TRPM1: variants seen among roughly 807,000 people sequenced by gnomAD.
TRPM1 encodes the protein TRPM1-203 APA Isoform, Intron 10.
Under a neutral mutation model 149.4 loss-of-function variants are expected in TRPM1, and 113 were observed. The ratio of observed to expected loss-of-function variants is 0.76; its 90% confidence interval spans 0.65 to 0.88. The LOEUF is 0.88. Ranked by LOEUF, TRPM1 falls within the 40% of genes least tolerant of loss-of-function variation. The probability of loss-of-function intolerance (pLI) is 0.00; values close to 1 mark genes in which losing one functional copy is unlikely to be tolerated. For missense variants in TRPM1, 1,976 were observed against 2,038.7 expected, an observed-to-expected ratio of 0.97 and a Z score of 0.59; for synonymous variants, 741 against 759.5, an observed-to-expected ratio of 0.98 and a Z score of 0.40.
chr15:31,102,525 T>A (rs1048070148), upstream of TRPM1, among the ~76,000 whole-genome samples: 5 of 152,202 alleles, frequency 3.3e-5, no homozygotes, highest in Non-Finnish European at 5.9e-5. Context: ...GTTCCCATTT[T>A]ACAGATGAGG....
intron 1 of TRPM1, among the ~76,000 whole-genome samples, chr15:31,107,550 T>G (rs934027938): frequency 1.3e-5 from 2 of 152,104 alleles, no homozygotes; most frequent in Non-Finnish European, 2.9e-5. Context: ...TTTTCTACGC[T>G]TTATTTTATT....
At chr15:31,118,646 A>G (rs1047179666) in intron 1 of TRPM1, among the ~76,000 whole-genome samples, 2 of 152,046 alleles carry the variant, frequency 1.3e-5, no homozygotes, top group African/African-American at 4.8e-5. Flanking sequence ...TTGGGTTAGA[A>G]CTCTCTTCTG....
intron 1 of TRPM1, among the ~76,000 whole-genome samples, chr15:31,113,825 G>A (rs1289644398): frequency 6.6e-6 from 1 of 152,154 alleles, no homozygotes; most frequent in Non-Finnish European, 1.5e-5. Flanking sequence ...GATTTATTGT[G>A]AAGATGTGAA....
intron 27 of TRPM1, among the ~76,000 whole-genome samples, chr15:31,011,164 T>C (rs1301835942): frequency 1.3e-5 from 2 of 152,180 alleles, no homozygotes; most frequent in African/African-American, 2.4e-5. Flanking sequence ...ACTTTAAAAA[T>C]CTTTGAATCT....
At chr15:31,091,717 G>A (rs2035246091) in intron 1 of TRPM1, among the ~76,000 whole-genome samples, 1 of 152,172 alleles carries the variant, frequency 6.6e-6, no homozygotes, top group Admixed American at 6.5e-5. Context: ...GACCCAGTGT[G>A]GTCTGTGGTG....
At chr15:31,129,457 C>T (rs1026925445) in intron 1 of TRPM1, among the ~76,000 whole-genome samples, 2 of 152,194 alleles carry the variant, frequency 1.3e-5, no homozygotes, top group East Asian at 1.9e-4. Flanking sequence ...CCACTCAGCT[C>T]TCTGCTGCCC....
At chr15:31,115,417 A>C (rs2035785829) in intron 1 of TRPM1, among the ~76,000 whole-genome samples, 1 of 152,204 alleles carries the variant, frequency 6.6e-6, no homozygotes, top group Non-Finnish European at 1.5e-5. Context: ...AGTTGAGGTC[A>C]CAGGGGCAAA....
chr15:31,080,008 G>A (rs1276166479), intron 2 of TRPM1, among the ~76,000 whole-genome samples: 1 of 152,144 alleles, frequency 6.6e-6, no homozygotes, highest in African/African-American at 2.4e-5. Flanking sequence ...CCTTCAGCAT[G>A]AAAATAAATG....
intron 1 of TRPM1, 141 bp from the exon 2 acceptor site, chr15:31,081,579 T>C: frequency 1.6e-6 from 1 of 623,102 alleles, no homozygotes; most frequent in Non-Finnish European, 2.8e-6. Flanking sequence ...TGACTCCCCA[T>C]CTACCCCAAC....
At position 31,019,672 on chromosome 15, in the gene TRPM1, G is replaced by C. The variant is rs2032488899; in HGVS notation, c.3629+6467C>G. Among the ~76,000 whole-genome samples the C allele has an allele frequency of 4.6e-5, 7 of 152,060 alleles. No homozygotes were observed. The South Asian group carries it at 1.2e-3, about 27-fold the overall frequency. ...CCACCTCGGCCTCCCAAAGTGCTGG[G>C]ATTACAGGCTTTCGCCACCATGCCT... On this transcript the variant is annotated intron_variant, in intron 27 of 27. Transcript: ENST00000256552.
intron 1 of TRPM1, among the ~76,000 whole-genome samples, chr15:31,150,890 A>T (rs971573096): frequency 2.6e-5 from 4 of 152,186 alleles, no homozygotes; most frequent in African/African-American, 7.2e-5. Context: ...ATCCCCTGAC[A>T]CATGCGCAGT....
chr15:31,067,783 T>G lies in TRPM1; in HGVS notation c.493+96A>C, dbSNP rs865835055. 5 of 1,190,918 alleles carry G rather than the reference T, an allele frequency of 4.2e-6. No homozygotes were observed. The Admixed American group carries it at 8.6e-5, about 21-fold the overall frequency. 73.8% of individuals were successfully genotyped at this position (1,190,918 alleles called of 1,614,324 possible). A position where few individuals can be genotyped will look rare whatever the true frequency, so the allele number is the denominator to read the frequency against. On this transcript the variant is annotated intron_variant, in intron 5 of 27. Transcript: ENST00000256552. The stretch of plus-strand genomic sequence containing the variant: ...TCATAAATAGGATCAGGATGCAATA[T>G]GTTTTGTTGTCCTTAGTTATTAGGA...
At chr15:31,053,506 A>G (rs919630262) in intron 11 of TRPM1, among the ~76,000 whole-genome samples, 6 of 150,200 alleles carry the variant, frequency 4.0e-5, no homozygotes. Context: ...CAGGTGATCC[A>G]CCTGCCTTGG....
chr15:31,113,765 G>C (rs2338856), intron 1 of TRPM1, among the ~76,000 whole-genome samples: 61,651 of 151,856 alleles, frequency 0.41, 13,139 homozygotes, highest in East Asian at 0.72. Context: ...CCTTCCCGGT[G>C]AGTGTTACAG....
chr15:31,031,625 T>C (rs928623740), intron 22 of TRPM1, among the ~76,000 whole-genome samples: 6 of 152,224 alleles, frequency 3.9e-5, no homozygotes, highest in Admixed American at 3.9e-4. Flanking sequence ...ACTAAACTGG[T>C]ATAATTCCTA....
intron 1 of TRPM1, among the ~76,000 whole-genome samples, chr15:31,150,419 A>C (rs917030254): frequency 2.0e-4 from 30 of 147,498 alleles, no homozygotes; most frequent in African/African-American, 7.3e-4. Context: ...TCCTCAGTTG[A>C]ATTTTTTCTT....
In TRPM1 at chr15:31,038,159, A is replaced by G; in HGVS notation, c.2324T>C (p.Met775Thr). The change falls in exon 19 of 28, where the codon ATG (methionine) becomes ACG (threonine). Residue 775 changes from methionine to threonine, a missense_variant. Transcript: ENST00000256552. ...GATGGTGGGGGGTAGAAGAATCCCC[A>G]TGATAACCTACGGAACATAAATTGA... The part of the protein sequence containing the change: ...MRKNPGLKVI[M>T]GILLPPTILF... 6.2e-7 allele frequency: 1 copy of G among 1,614,138 alleles called. No individual in the cohort carries two copies. Among genetic ancestry groups the G allele is most frequent in the Non-Finnish European group, 8.5e-7 (1 of 1,179,990 alleles).
chr15:31,089,524 C>T (rs8039828), intron 1 of TRPM1, among the ~76,000 whole-genome samples: 3,632 of 152,308 alleles, frequency 0.024, 153 homozygotes, highest in African/African-American at 0.082. Context: ...TGCAATAGCA[C>T]ATTCCCGGGC....
At chr15:31,061,611 A>C (rs926198565) in intron 9 of TRPM1, 97 bp from the exon 10 acceptor site, 1 of 990,110 alleles carries the variant, frequency 1.0e-6, no homozygotes, top group South Asian at 1.3e-5. Context: ...ACACGTAATA[A>C]AATGATCCTG....
Sources: allele counts gnomAD v4.1 joint callset (sites outside exome capture counted in the v4.1 genomes callset), GRCh38; gene constraint gnomAD v4.1.1; transcripts MANE v1.5; gene names NCBI Gene and HGNC (gene_info 2026-07-23, HGNC 2026-07-21).